BRDT: variants seen among roughly 807,000 people sequenced by gnomAD.
The protein encoded by BRDT is bromodomain testis associated, also known as bromodomain testis-specific protein.
BRDT carries 77 observed loss-of-function variants against 113.9 expected under a neutral mutation model. The observed-to-expected ratio is 0.68, with a 90% CI of 0.56 to 0.82. The LOEUF (loss-of-function observed/expected upper bound fraction) is 0.82, where lower values mean the gene tolerates loss of function less well. BRDT is among the 40% of genes least tolerant of loss of function. The probability of loss-of-function intolerance (pLI) is 0.00; values close to 1 mark genes in which losing one functional copy is unlikely to be tolerated. For synonymous variants in BRDT, 358 were observed against 366.5 expected, an observed-to-expected ratio of 0.98 and a Z score of 0.26; for missense variants, 1,027 against 1,105.4, an observed-to-expected ratio of 0.93 and a Z score of 1.01.
At position 91,979,740 on chromosome 1, in the gene BRDT, G is replaced by T; in HGVS notation, c.1270G>T (p.Ala424Ser). ...TGAAGATGAGCGAGTTAAGCGTCTT[G>T]CAAAGCTTCAGGAGCAGGTAGTTGA... ...DSEDERVKRL[A>S]KLQEQLKAVH... The change falls in exon 8 of 19, where the codon GCA (alanine) becomes TCA (serine). Residue 424 changes from alanine (A) to serine (S), a missense_variant. Coordinates refer to ENST00000399546, the MANE Select transcript of BRDT (RefSeq NM_207189.4). 6.2e-7 allele frequency: 1 copy of T among 1,607,604 alleles called. No individual in the cohort carries two copies. The highest frequency in any genetic ancestry group is 8.5e-7 in the Non-Finnish European group (1 of 1,178,364).
At chr1:91,955,638 AT>A (rs1681671376) in intron 1 of BRDT, among the ~76,000 whole-genome samples, 4 of 151,710 alleles carry the variant, frequency 2.6e-5, no homozygotes, top group African/African-American at 9.7e-5. Context: ...ACATAAGCCC[AT>A]TTTTAAACGT....
At chr1:91,967,453 C>T (rs147573329) in intron 3 of BRDT, among the ~76,000 whole-genome samples, 21 of 150,942 alleles carry the variant, frequency 1.4e-4, no homozygotes, top group Non-Finnish European at 2.8e-4. Flanking sequence ...GGCTGGAGTG[C>T]GATGGCACTA....
intron 3 of BRDT, 98 bp downstream of exon 3, chr1:91,964,862 CGTTT>C (rs1449890838): frequency 5.2e-6 from 4 of 767,956 alleles, no homozygotes; most frequent in Non-Finnish European, 5.5e-6. Context: ...CAATTCTCTT[CGTTT>C]GAGATACTTG....
chr1:91,992,969 T>C (rs529128205), intron 14 of BRDT, among the ~76,000 whole-genome samples: 1 of 152,342 alleles, frequency 6.6e-6, no homozygotes, highest in African/African-American at 2.4e-5. Flanking sequence ...GCATGTAGAA[T>C]GCCACCTTTT....
At chr1:91,980,248 AAAT>A (rs1167637674) in intron 8 of BRDT, among the ~76,000 whole-genome samples, 2 of 152,148 alleles carry the variant, frequency 1.3e-5, no homozygotes, top group East Asian at 3.9e-4. Context: ...CTCTACAAAA[AAAT>A]CAAAAAAACG....
At chr1:91,984,148 G>A (rs1183130680) in intron 12 of BRDT, among the ~76,000 whole-genome samples, 3 of 152,120 alleles carry the variant, frequency 2.0e-5, no homozygotes, top group Non-Finnish European at 2.9e-5. Flanking sequence ...CAAATGCAAA[G>A]ACAAATGGGA....
intron 11 of BRDT, 105 bp downstream of exon 11, chr1:91,981,486 C>T (rs1486826045): frequency 4.0e-6 from 6 of 1,516,800 alleles, no homozygotes; most frequent in Non-Finnish European, 5.4e-6. Context: ...CTCATGTGAT[C>T]CTCCACCTTG....
chr1:91,983,498 C>T (rs904464738), intron 12 of BRDT, among the ~76,000 whole-genome samples: 25 of 152,176 alleles, frequency 1.6e-4, no homozygotes, highest in African/African-American at 6.0e-4. Flanking sequence ...TTGTGATCCA[C>T]CCACCTCGGC....
chr1:92,009,596 C>T (rs1397856277), intron 18 of BRDT, among the ~76,000 whole-genome samples: 5 of 144,414 alleles, frequency 3.5e-5, no homozygotes, highest in Non-Finnish European at 7.5e-5. Flanking sequence ...GTTGCCCAGG[C>T]TGGAGTGCAG....
In BRDT at chr1:91,977,378, T is replaced by C; in HGVS notation, c.954T>C (p.Asp318=). 2 of 1,583,374 alleles carry C rather than the reference T, an allele frequency of 1.3e-6. No homozygotes were observed. The part of the protein sequence containing the change: ...NYYDVVKNPM[D]LGTIKEKMDN... ...ATGACGTTGTCAAAAATCCGATGGA[T>C]CTTGGAACTATTAAGGTAAATGTTG... The change falls in exon 6 of 19, where the codon GAT becomes GAC. Residue 318 remains aspartate (D), a synonymous_variant. Coordinates refer to ENST00000399546, the MANE Select transcript of BRDT (RefSeq NM_207189.4).
chr1:91,979,567 A>C lies in BRDT; in HGVS notation c.1099-2A>C. On this transcript the variant is annotated splice_acceptor_variant, in intron 7 of 18. Coordinates refer to ENST00000399546, the MANE Select transcript of BRDT (RefSeq NM_207189.4). LOFTEE classifies it high-confidence loss of function. ...CCATAACAAACTAATTTTTCATTACAGGATGTTTTCGAAACGCATTTTTCA... is the reference window on the plus strand; with the variant it reads ...CCATAACAAACTAATTTTTCATTACCGGATGTTTTCGAAACGCATTTTTCA... 1.2e-6 allele frequency: 2 copies of C among 1,604,980 alleles called. No individual in the cohort carries two copies. Among genetic ancestry groups the C allele is most frequent in the Non-Finnish European group, 1.7e-6 (2 of 1,178,036 alleles).
chr1:92,003,964 A>G (rs1279464193), intron 16 of BRDT, among the ~76,000 whole-genome samples: 2 of 152,122 alleles, frequency 1.3e-5, no homozygotes, highest in African/African-American at 4.8e-5. Flanking sequence ...TTAACCACCA[A>G]AAGGAAAAAT....
chr1:91,991,325 G>GAAAACAA, intron 13 of BRDT, 80 bp downstream of exon 13: 1 of 711,224 alleles, frequency 1.4e-6, no homozygotes, highest in Non-Finnish European at 2.1e-6. Flanking sequence ...CTTTAAAATT[G>GAAAACAA]TTTTCAATTT....
chr1:92,005,009 A>G, intron 17 of BRDT, 110 bp from the exon 18 acceptor site: 1 of 827,500 alleles, frequency 1.2e-6, no homozygotes, highest in Non-Finnish European at 1.7e-6. Context: ...ATGTTATAAC[A>G]TGAACATGGT....
At chr1:91,991,546 T>A (rs943133073) in intron 13 of BRDT, among the ~76,000 whole-genome samples, 2 of 152,206 alleles carry the variant, frequency 1.3e-5, no homozygotes, top group Non-Finnish European at 2.9e-5. Flanking sequence ...CTTGGTATCC[T>A]GAATGAGTGT....
intron 7 of BRDT, 122 bp downstream of exon 7, chr1:91,978,418 A>G: frequency 9.1e-7 from 1 of 1,103,956 alleles, no homozygotes; most frequent in Non-Finnish European, 1.3e-6. Flanking sequence ...TAAATGGCAA[A>G]AACCACAATT....
Position 91,980,993 on chromosome 1 carries a change from T to A in BRDT, c.1565T>A (p.Ile522Lys), listed in dbSNP as rs1163055159. Reference protein sequence around the residue: ...YDEKRQLSLNINKLPGDKLGR... With the variant: ...YDEKRQLSLNKNKLPGDKLGR... ...GAGAAAAGGCAGTTAAGTCTGAATA[T>A]AAACAAACTCCCTGGAGATAAACTT... Residue 522 changes from isoleucine to lysine, a missense_variant, in exon 10 of 19, where the codon ATA becomes AAA. Transcript: ENST00000399546. The A allele has an allele frequency of 6.2e-7, 1 of 1,614,072 alleles. No homozygotes were observed. Among genetic ancestry groups the A allele is most frequent in the Non-Finnish European group, 8.5e-7 (1 of 1,179,982 alleles).
chr1:91,970,677 C>T (rs1479949644), intron 4 of BRDT, among the ~76,000 whole-genome samples: 1 of 151,980 alleles, frequency 6.6e-6, no homozygotes, highest in African/African-American at 2.4e-5. Context: ...ATTGGGAAGC[C>T]AAGATGGGAG....
intron 12 of BRDT, among the ~76,000 whole-genome samples, chr1:91,985,719 A>G (rs533001788): frequency 6.8e-6 from 1 of 146,428 alleles, no homozygotes; most frequent in South Asian, 2.1e-4. Context: ...GCTTACTGCA[A>G]GCTCCGCCTC....
Sources: allele counts gnomAD v4.1 joint callset (sites outside exome capture counted in the v4.1 genomes callset), GRCh38; gene constraint gnomAD v4.1.1; transcripts MANE v1.5; gene names NCBI Gene and HGNC (gene_info 2026-07-23, HGNC 2026-07-21).